The following FRY variants were observed in gnomAD, a reference collection of about 807,000 sequenced individuals.
FRY encodes protein furry homolog.
A neutral mutation model predicts 348.4 loss-of-function variants in FRY; 128 were observed. That is an observed-to-expected ratio of 0.37 (90% CI 0.32 to 0.43). The LOEUF (loss-of-function observed/expected upper bound fraction) is 0.43, where lower values mean the gene tolerates loss of function less well. FRY is among the 20% of genes least tolerant of loss of function. The pLI is 1.00. For missense variants in FRY, 2,736 were observed against 3,695.2 expected (o/e 0.74, Z 6.73); for synonymous variants, 1,370 against 1,374.7 (o/e 1.00, Z 0.08).
intron 54 of FRY, among the ~76,000 whole-genome samples, chr13:32,266,169 A>G (rs1887917999): frequency 6.6e-6 from 1 of 152,248 alleles, no homozygotes; most frequent in South Asian, 2.1e-4. Flanking sequence ...TCAGGAAAAG[A>G]AAGTTGAGAT....
rs1490230877 is a variant in FRY at position 32,231,213 on chromosome 13, A to G, written c.5440A>G (p.Thr1814Ala). 3.7e-6 allele frequency: 6 copies of G among 1,612,368 alleles called. No individual in the cohort carries two copies. The highest frequency in any genetic ancestry group is 5.1e-6 in the Non-Finnish European group (6 of 1,178,458). The stretch of plus-strand genomic sequence containing the variant: ...TCCACTTTGGTGCCATGAAGACATC[A>G]CACCTAAAAATCAAAATTCAAAGAG... ...FGPLWCHEDI[T>A]PKNQNSKSAE... The change falls in exon 41 of 61, where the codon ACA (threonine) becomes GCA (alanine). Residue 1814 changes from threonine (T) to alanine (A), a missense_variant. Physicochemically the swap from Thr to Ala is moderately conservative, Grantham distance 58. Coordinates refer to ENST00000542859, the MANE Select transcript of FRY (RefSeq NM_023037.3).
chr13:32,152,795 T>A (rs1209109436), intron 14 of FRY, among the ~76,000 whole-genome samples: 1 of 152,130 alleles, frequency 6.6e-6, no homozygotes, highest in East Asian at 1.9e-4. Flanking sequence ...TAAAAATGTC[T>A]GTACTTCAAA....
chr13:32,296,098 C>T lies in FRY; in HGVS notation c.*638C>T, dbSNP rs2072059043. On this transcript the variant is annotated 3_prime_UTR_variant, in exon 61 of 61. Coordinates refer to ENST00000542859, the MANE Select transcript of FRY (RefSeq NM_023037.3). The stretch of plus-strand genomic sequence containing the variant: ...AAAGGAGCTGCTATGAAGTACCTTT[C>T]TTATGTTGCTAGGCTACTGTTTCTG... 2 of 152,996 alleles carry T rather than the reference C, an allele frequency of 1.3e-5. No individual in the cohort carries two copies. The highest frequency in any genetic ancestry group is 6.5e-5 in the Admixed American group (1 of 15,324). 9.5% of individuals were successfully genotyped at this position (152,996 alleles called of 1,614,324 possible).
At chr13:32,119,630 TC>T (rs1878522890) in intron 4 of FRY, among the ~76,000 whole-genome samples, 1 of 152,160 alleles carries the variant, frequency 6.6e-6, no homozygotes, top group Non-Finnish European at 1.5e-5. Context: ...GAGTTCTCCT[TC>T]CTTTTGGTCT....
intron 3 of FRY, among the ~76,000 whole-genome samples, chr13:32,103,329 TG>T (rs1245726983): frequency 6.6e-6 from 1 of 152,252 alleles, no homozygotes; most frequent in Non-Finnish European, 1.5e-5. Flanking sequence ...ATATGATGTT[TG>T]GGGTTACCAT....
chr13:32,035,745 CTT>C (rs1872476903), intron 1 of FRY, among the ~76,000 whole-genome samples: 1 of 152,190 alleles, frequency 6.6e-6, no homozygotes, highest in African/African-American at 2.4e-5. Context: ...TCGAGGGAAA[CTT>C]TTGAATGCCC....
At chr13:32,245,788 T>C (rs1886763694) in intron 47 of FRY, among the ~76,000 whole-genome samples, 1 of 151,746 alleles carries the variant, frequency 6.6e-6, no homozygotes, top group South Asian at 2.1e-4. Context: ...AGCATAGACA[T>C]CCTTTTCTCT....
chr13:32,239,641 G>T lies in FRY; in HGVS notation c.6517-70G>T. ...ACTTTCCAGATGGCCAGAGCTTATA[G>T]TAAAATTGCTAACATTTCTTCCTAT... On this transcript the variant is annotated intron_variant, in intron 45 of 60. Coordinates refer to ENST00000542859, the MANE Select transcript of FRY (RefSeq NM_023037.3). The surrounding 1 kb of genome is among the most constrained non-coding windows in gnomAD (Gnocchi z 4.3). 1 of 1,115,610 alleles carries T rather than the reference G, an allele frequency of 9.0e-7. No homozygotes were observed. The allele number at this position is 1,115,610 out of a possible 1,614,324, so 69.1% of individuals were successfully genotyped here.
At chr13:32,124,565 A>G in intron 5 of FRY, 37 bp from the exon 6 acceptor site, 1 of 1,214,828 alleles carries the variant, frequency 8.2e-7, no homozygotes, top group Non-Finnish European at 1.2e-6. Flanking sequence ...GTTCTTTAAT[A>G]TTCCCTTCTG....
At position 32,078,868 on chromosome 13, in the gene FRY, G is replaced by A. The variant is rs764328203; in HGVS notation, c.105G>A (p.Pro35=). The A allele has an allele frequency of 1.7e-5, 28 of 1,613,886 alleles. No homozygotes were observed. The highest frequency in any genetic ancestry group is 1.3e-5 in the African/African-American group (1 of 74,872). ...TTGGCAACGGTTACATCAAGCCTCC[G>A]GTTCCACCTGCTTCTGGCACGCACA... is the stretch of plus-strand genomic sequence containing the variant. ...SPVGNGYIKP[P]VPPASGTHRE... Residue 35 remains proline, a synonymous_variant, in exon 2 of 61, where the codon CCG becomes CCA. Coordinates refer to ENST00000542859, the MANE Select transcript of FRY (RefSeq NM_023037.3).
rs367568330 is a variant in FRY at position 32,225,999 on chromosome 13, G to A, written c.5206+25G>A. ...GGTAACAGAGAAGGACTGGTAGAGA[G>A]CCTAGGACAGTTACAAATGCAGAGA... is the stretch of plus-strand genomic sequence containing the variant. On this transcript the variant is annotated intron_variant, in intron 39 of 60. Coordinates refer to ENST00000542859, the MANE Select transcript of FRY (RefSeq NM_023037.3). 2.1e-4 allele frequency: 340 copies of A among 1,605,170 alleles called. 1 individual carries two copies. Among genetic ancestry groups the A allele is most frequent in the Non-Finnish European group, 2.7e-4 (322 of 1,172,114 alleles).
intron 1 of FRY, among the ~76,000 whole-genome samples, chr13:32,050,502 C>T (rs983639968): frequency 6.6e-6 from 1 of 152,162 alleles, no homozygotes. Flanking sequence ...TCAGGGATAG[C>T]AGTGTGCTTT....
intron 4 of FRY, among the ~76,000 whole-genome samples, chr13:32,122,428 T>A (rs1434402107): frequency 1.4e-5 from 2 of 145,184 alleles, no homozygotes; most frequent in African/African-American, 5.1e-5. Flanking sequence ...GACGACAGAG[T>A]GAGACTCCGC....
rs748556368 is a variant in FRY, at chr13:32,173,557, T to TG, written c.2334+8_2334+9insG. On this transcript the variant is annotated intron_variant, in intron 19 of 60. Transcript: ENST00000542859. ...GCCCTGGGGCAGCCTGAGGTATGGA[T>TG]TAGTCTTCTGAATTTTTCCATTTCT... The TG allele has an allele frequency of 6.2e-7, 1 of 1,605,872 alleles. No homozygotes were observed. The highest frequency in any genetic ancestry group is 8.5e-7 in the Non-Finnish European group (1 of 1,173,128).
At chr13:32,211,879 T>C (rs1884707326) in intron 34 of FRY, among the ~76,000 whole-genome samples, 1 of 152,144 alleles carries the variant, frequency 6.6e-6, no homozygotes, top group South Asian at 2.1e-4. Flanking sequence ...GCAGTGTTCT[T>C]ACAGGGAAGC....
At chr13:32,218,875 G>A in intron 36 of FRY, 44 bp downstream of exon 36, 2 of 1,075,704 alleles carry the variant, frequency 1.9e-6, no homozygotes, top group Non-Finnish European at 1.4e-6. Context: ...AACGCAAGTG[G>A]TCAGAGGATG....
At chr13:32,158,960 A>G (rs1356009183) in intron 16 of FRY, among the ~76,000 whole-genome samples, 2 of 150,318 alleles carry the variant, frequency 1.3e-5, no homozygotes, top group African/African-American at 4.9e-5. Context: ...TCAAAAAAAA[A>G]AAAAAAAAAA....
In FRY at chr13:32,191,139, C is replaced by T. The variant is rs118056049; in HGVS notation, c.3592-3004C>T. Reference sequence around the variant, plus strand: ...GGAAAGAAAGAAAAAGAAATTTGATCCTTTCCTCACACTTTACAAAAATTC... The same window carrying T: ...GGAAAGAAAGAAAAAGAAATTTGATTCTTTCCTCACACTTTACAAAAATTC... On this transcript the variant is annotated intron_variant, in intron 28 of 60. Transcript: ENST00000542859. 6.4e-3 allele frequency among the ~76,000 whole-genome samples: 973 copies of T among 152,280 alleles called. 7 individuals carry two copies. The highest frequency in any genetic ancestry group is 0.011 in the Admixed American group (164 of 15,306).
At chr13:32,179,869 A>T (rs1593703678) in intron 23 of FRY, 70 bp downstream of exon 23, 1 of 1,473,412 alleles carries the variant, frequency 6.8e-7, no homozygotes, top group East Asian at 2.3e-5. Flanking sequence ...TTATTAACTC[A>T]GATTTGAGTC....
Sources: allele counts gnomAD v4.1 joint callset (sites outside exome capture counted in the v4.1 genomes callset), GRCh38; gene constraint gnomAD v4.1.1; non-coding constraint Gnocchi (gnomAD v3.1); transcripts MANE v1.5; gene names NCBI Gene and HGNC (gene_info 2026-07-23, HGNC 2026-07-21).